Variants in TMEM132C observed in about 807,000 individuals in gnomAD.
The protein encoded by TMEM132C is transmembrane protein 132C.
A neutral mutation model predicts 61.4 loss-of-function variants in TMEM132C; 29 were observed. That is an observed-to-expected ratio of 0.47 (90% confidence interval 0.35 to 0.64). The LOEUF (loss-of-function observed/expected upper bound fraction) is 0.64, where lower values mean the gene tolerates loss of function less well. TMEM132C is among the 30% of genes least tolerant of loss of function. The probability of loss-of-function intolerance (pLI) is 0.00; values close to 1 mark genes in which losing one functional copy is unlikely to be tolerated. For missense variants in TMEM132C, 1,408 were observed against 1,476.9 expected, an observed-to-expected ratio of 0.95 and a Z score of 0.76; for synonymous variants, 656 against 633.1, an observed-to-expected ratio of 1.04 and a Z score of -0.54.
chr12:128,700,779 G>T (rs1169119063), intron 8 of TMEM132C, among the ~76,000 whole-genome samples: 1 of 152,176 alleles, frequency 6.6e-6, no homozygotes, highest in African/African-American at 2.4e-5. Context: ...GGCATTAGAA[G>T]GACTTATTGG....
At chr12:128,349,036 C>T (rs1326752180) in intron 1 of TMEM132C, among the ~76,000 whole-genome samples, 4 of 152,166 alleles carry the variant, frequency 2.6e-5, no homozygotes. Flanking sequence ...TGGAATCTCA[C>T]TCTGTTACCC....
intron 3 of TMEM132C, among the ~76,000 whole-genome samples, chr12:128,552,486 C>A (rs776772970): frequency 6.6e-6 from 1 of 151,974 alleles, no homozygotes; most frequent in Admixed American, 6.5e-5. Context: ...AAGTAAGCAT[C>A]CAAATGAATA....
In TMEM132C at chr12:128,551,181, C is replaced by A. The variant is rs1874161708; in HGVS notation, c.1121+7078C>A. Among the ~76,000 whole-genome samples, 8 of 151,758 alleles carry A rather than the reference C, an allele frequency of 5.3e-5. No homozygotes were observed. In the South Asian group the frequency reaches 1.5e-3, roughly 28 times the overall value. On this transcript the variant is annotated intron_variant, in intron 3 of 8. Transcript: ENST00000435159. Reference sequence around the variant, plus strand: ...GTCTTATGATCGGCTTCTAATGAACCCAAACTGAGACTCTCAGAAACATAA... The same window carrying A: ...GTCTTATGATCGGCTTCTAATGAACACAAACTGAGACTCTCAGAAACATAA...
chr12:128,416,767 T>C (rs1268083175), intron 2 of TMEM132C, among the ~76,000 whole-genome samples: 1 of 152,254 alleles, frequency 6.6e-6, no homozygotes, highest in African/African-American at 2.4e-5. Flanking sequence ...CATCTTGTCA[T>C]GATCTCTATA....
intron 2 of TMEM132C, among the ~76,000 whole-genome samples, chr12:128,480,602 T>C (rs77419647): frequency 0.064 from 9,721 of 152,226 alleles, 999 homozygotes; most frequent in African/African-American, 0.21. Context: ...TTCTTGTGGC[T>C]GAAGGGAAAG....
rs377725159 is a variant in TMEM132C at position 128,410,166 on chromosome 12, G to A, written c.86-4566G>A. ...TTGCTTACATTTTATTTATTTCAAC[G>A]AACAGTTTTATTTTGATACAGTTGG... On this transcript the variant is annotated intron_variant, in intron 1 of 8. Coordinates refer to ENST00000435159, the MANE Select transcript of TMEM132C (RefSeq NM_001136103.3). Among the ~76,000 whole-genome samples, 47 of 151,962 alleles carry A rather than the reference G, an allele frequency of 3.1e-4. 1 individual carries two copies. In the East Asian group the frequency reaches 4.6e-3, roughly 15 times the overall value.
chr12:128,303,522 C>G (rs1032848940), intron 1 of TMEM132C, among the ~76,000 whole-genome samples: 12 of 152,202 alleles, frequency 7.9e-5, no homozygotes, highest in Non-Finnish European at 1.6e-4. Flanking sequence ...CACTTATTCA[C>G]TGGTCAACTC....
chr12:128,450,364 T>C (rs1469262616), intron 2 of TMEM132C, among the ~76,000 whole-genome samples: 2 of 152,202 alleles, frequency 1.3e-5, no homozygotes, highest in Non-Finnish European at 2.9e-5. Flanking sequence ...CAACTCATTT[T>C]ATAGTTGGAG....
chr12:128,273,716 G>A (rs1423289918), intron 1 of TMEM132C, among the ~76,000 whole-genome samples: 1 of 151,882 alleles, frequency 6.6e-6, no homozygotes, highest in East Asian at 1.9e-4. Context: ...TTTAGTCATT[G>A]CTCTATGGCT....
At chr12:128,402,864 G>T (rs1387928064) in intron 1 of TMEM132C, among the ~76,000 whole-genome samples, 1 of 152,218 alleles carries the variant, frequency 6.6e-6, no homozygotes, top group African/African-American at 2.4e-5. Flanking sequence ...AGACTCTGAA[G>T]ATTTTAGAGC....
intron 1 of TMEM132C, among the ~76,000 whole-genome samples, chr12:128,334,678 C>G (rs1645510950): frequency 6.6e-6 from 1 of 151,876 alleles, no homozygotes; most frequent in Admixed American, 6.5e-5. Flanking sequence ...TCACTGCAAG[C>G]TCTGCCTCCT....
At chr12:128,281,095 A>G (rs1327176823) in intron 1 of TMEM132C, among the ~76,000 whole-genome samples, 1 of 152,198 alleles carries the variant, frequency 6.6e-6, no homozygotes, top group African/African-American at 2.4e-5. Flanking sequence ...TCAGAAGTCT[A>G]CTTGGATTAG....
chr12:128,342,772 C>T (rs918605118), intron 1 of TMEM132C, among the ~76,000 whole-genome samples: 2 of 152,222 alleles, frequency 1.3e-5, no homozygotes, highest in African/African-American at 4.8e-5. Context: ...CCCGTGGGCC[C>T]CTGGGCCCCT....
chr12:128,320,680 G>A (rs934136400), intron 1 of TMEM132C, among the ~76,000 whole-genome samples: 6 of 152,008 alleles, frequency 3.9e-5, no homozygotes, highest in Non-Finnish European at 5.9e-5. Flanking sequence ...GGCTGAGGTG[G>A]AAGGATCACT....
chr12:128,363,161 G>A (rs1314178400), intron 1 of TMEM132C, among the ~76,000 whole-genome samples: 1 of 152,148 alleles, frequency 6.6e-6, no homozygotes, highest in Non-Finnish European at 1.5e-5. Context: ...TTTTTCACTG[G>A]AAGTAACAAT....
At chr12:128,555,184 A>G (rs1475417231) in intron 3 of TMEM132C, among the ~76,000 whole-genome samples, 2 of 152,238 alleles carry the variant, frequency 1.3e-5, no homozygotes, top group Admixed American at 6.5e-5. Context: ...ATCGTTGAAA[A>G]TGGTGAATAA....
intron 1 of TMEM132C, among the ~76,000 whole-genome samples, chr12:128,356,900 T>C (rs1345980107): frequency 1.3e-5 from 2 of 152,228 alleles, no homozygotes; most frequent in African/African-American, 4.8e-5. Context: ...TAAATAGAGA[T>C]GAATCCCACA....
chr12:128,534,026 G>T (rs563816585), intron 2 of TMEM132C, among the ~76,000 whole-genome samples: 11 of 151,820 alleles, frequency 7.2e-5, no homozygotes, highest in African/African-American at 1.2e-4. Context: ...GGCCTGAGAA[G>T]CCTCTAAGGA....
intron 1 of TMEM132C, among the ~76,000 whole-genome samples, chr12:128,303,226 A>T (rs971775085): frequency 2.0e-5 from 3 of 152,200 alleles, no homozygotes; most frequent in Admixed American, 6.5e-5. Flanking sequence ...ATTATTCTTT[A>T]AAAGAAAGGA....
Sources: gnomAD v4.1 joint callset for allele counts (sites outside exome capture counted in the v4.1 genomes callset) on GRCh38, gnomAD v4.1.1 for gene constraint, MANE v1.5 for transcripts, NCBI Gene and HGNC (gene_info 2026-07-23, HGNC 2026-07-21) for gene names.